HYCC2: variants seen among roughly 807,000 people sequenced by gnomAD.
The protein encoded by HYCC2 is hyccin 2.
At chr2:201,026,317 G>C in the HYCC2 span, among the ~76,000 whole-genome samples, 5 of 152,088 alleles carry the variant, frequency 3.3e-5, no homozygotes, top group Non-Finnish European at 5.9e-5. Flanking sequence ...CATAAAGCAA[G>C]TCCTTAGAGG....
the HYCC2 span, among the ~76,000 whole-genome samples, chr2:201,044,190 AG>A: frequency 6.6e-6 from 1 of 152,238 alleles, no homozygotes; most frequent in African/African-American, 2.4e-5. Context: ...TATAACAAAG[AG>A]GCTATCACAG....
At chr2:201,054,615 G>A in the HYCC2 span, among the ~76,000 whole-genome samples, 4 of 152,084 alleles carry the variant, frequency 2.6e-5, no homozygotes, top group Admixed American at 2.0e-4. Flanking sequence ...TAAAGCTTGG[G>A]CATATCTTAA....
the HYCC2 span, among the ~76,000 whole-genome samples, chr2:201,070,316 A>G: frequency 1.3e-5 from 2 of 152,180 alleles, no homozygotes; most frequent in African/African-American, 4.8e-5. Context: ...AATAATTCAT[A>G]AGTAGCTTCT....
At chr2:201,021,482 A>G in the HYCC2 span, 1 of 153,774 alleles carries the variant, frequency 6.5e-6, no homozygotes, top group African/African-American at 2.4e-5. Flanking sequence ...AATAGCTTCT[A>G]AAGTATTAAA....
the HYCC2 span, among the ~76,000 whole-genome samples, chr2:201,043,461 A>G: frequency 6.6e-6 from 1 of 150,434 alleles, no homozygotes; most frequent in Non-Finnish European, 1.5e-5. Flanking sequence ...AAAGAAAAAT[A>G]GAATAGTACT....
At chr2:201,008,785 C>A in the HYCC2 span, among the ~76,000 whole-genome samples, 1 of 152,076 alleles carries the variant, frequency 6.6e-6, no homozygotes, top group Non-Finnish European at 1.5e-5. Context: ...GTAGTCCTAG[C>A]TACTTGGAAA....
chr2:201,046,544 TG>T, the HYCC2 span, among the ~76,000 whole-genome samples: 4 of 152,124 alleles, frequency 2.6e-5, no homozygotes, highest in African/African-American at 9.7e-5. Context: ...ACTCTCTTTT[TG>T]TACCTTGGGA....
chr2:201,038,861 T>C, the HYCC2 span, among the ~76,000 whole-genome samples: 3 of 152,178 alleles, frequency 2.0e-5, no homozygotes, highest in East Asian at 5.8e-4. Flanking sequence ...AACCTGCATG[T>C]TGTGCACATG....
chr2:200,997,521 G>C, the HYCC2 span: 2 of 1,612,462 alleles, frequency 1.2e-6, no homozygotes, highest in Non-Finnish European at 1.7e-6. Context: ...CACAGCATGA[G>C]AAAACTCAGG....
the HYCC2 span, among the ~76,000 whole-genome samples, chr2:200,990,920 C>T: frequency 6.6e-6 from 1 of 151,238 alleles, no homozygotes; most frequent in Non-Finnish European, 1.5e-5. Context: ...GTTGGCCAGG[C>T]TGGTCTTGAA....
chr2:201,010,035 T>G, the HYCC2 span, among the ~76,000 whole-genome samples: 2 of 140,676 alleles, frequency 1.4e-5, no homozygotes, highest in Admixed American at 7.5e-5. Flanking sequence ...ACCCGGGAGG[T>G]GGAGGTGGCA....
At chr2:200,983,163 G>C in the HYCC2 span, among the ~76,000 whole-genome samples, 99,268 of 152,056 alleles carry the variant, frequency 0.65, 33,182 homozygotes, top group African/African-American at 0.8. Flanking sequence ...AAAGTATGAT[G>C]AATATTCTCT....
the HYCC2 span, among the ~76,000 whole-genome samples, chr2:201,053,419 A>G: frequency 1.3e-5 from 2 of 152,368 alleles, no homozygotes; most frequent in Middle Eastern, 3.4e-3. Flanking sequence ...ATCCCAGAGC[A>G]GAGCTCAAAA....
the HYCC2 span, among the ~76,000 whole-genome samples, chr2:200,993,919 G>A: frequency 2.6e-5 from 4 of 151,852 alleles, no homozygotes; most frequent in Non-Finnish European, 4.4e-5. Flanking sequence ...GCAGTGAGCC[G>A]AGATCACGCC....
At chr2:201,011,240 G>T in the HYCC2 span, 1 of 471,280 alleles carries the variant, frequency 2.1e-6, no homozygotes. Flanking sequence ...TACCTCTCTC[G>T]TCACAGCTCA....
chr2:201,013,796 A>C, the HYCC2 span, among the ~76,000 whole-genome samples: 4 of 152,254 alleles, frequency 2.6e-5, no homozygotes, highest in Admixed American at 2.6e-4. Flanking sequence ...TAAATTTCAA[A>C]TTAAGCCAAG....
chr2:201,068,111 C>A, the HYCC2 span, among the ~76,000 whole-genome samples: 1 of 151,990 alleles, frequency 6.6e-6, no homozygotes, highest in Non-Finnish European at 1.5e-5. Flanking sequence ...TTGGAGAAAT[C>A]CCGTCTCTAC....
At chr2:201,041,012 C>T in the HYCC2 span, among the ~76,000 whole-genome samples, 10 of 152,190 alleles carry the variant, frequency 6.6e-5, no homozygotes, top group Non-Finnish European at 8.8e-5. Flanking sequence ...CTTGTACCCT[C>T]TTACTAGCTA....
chr2:201,066,230 T>G, the HYCC2 span, among the ~76,000 whole-genome samples: 1 of 152,196 alleles, frequency 6.6e-6, no homozygotes, highest in Non-Finnish European at 1.5e-5. Flanking sequence ...TGCACCACCG[T>G]GCCCAGCTAA....
Sources: allele counts gnomAD v4.1 joint callset (sites outside exome capture counted in the v4.1 genomes callset), GRCh38; gene constraint gnomAD v4.1.1; transcripts MANE v1.5; gene names NCBI Gene and HGNC (gene_info 2026-07-23, HGNC 2026-07-21).